The following LRRTM4 variants were observed in gnomAD, a reference collection of about 807,000 sequenced individuals.
LRRTM4 encodes the protein leucine-rich repeat transmembrane neuronal protein 4.
LRRTM4 carries 25 observed loss-of-function variants against 47.6 expected under a neutral mutation model. The observed-to-expected ratio is 0.53, with a 90% CI of 0.38 to 0.73. The LOEUF is 0.73. Among genes scored for constraint, LRRTM4 ranks in the 30% least tolerant of loss-of-function variants. LRRTM4 has a pLI of 0.00. For missense variants in LRRTM4, 638 were observed against 713.4 expected (o/e 0.89, Z 1.20); for synonymous variants, 311 against 269.5 (o/e 1.15, Z -1.51).
intron 3 of LRRTM4, among the ~76,000 whole-genome samples, chr2:77,487,147 GC>G (rs1214473911): frequency 6.6e-6 from 1 of 152,210 alleles, no homozygotes. Flanking sequence ...GATCCACAGA[GC>G]CAATGGGAGC....
intron 3 of LRRTM4, among the ~76,000 whole-genome samples, chr2:76,849,300 T>C (rs929379246): frequency 6.6e-6 from 1 of 152,048 alleles, no homozygotes; most frequent in Non-Finnish European, 1.5e-5. Context: ...AATTCAGCAT[T>C]GTCAGTGTGA....
rs28637418 is a variant in LRRTM4, at chr2:76,920,667, G to C, written c.1552-171751C>G. Among the ~76,000 whole-genome samples the C allele has an allele frequency of 4.2e-3, 646 of 152,122 alleles. 1 individual carries two copies. Among genetic ancestry groups the C allele is most frequent in the African/African-American group, 0.015 (625 of 41,532 alleles). On this transcript the variant is annotated intron_variant, in intron 3 of 3. Transcript: ENST00000409884. ...TTGGTTTAGAGGTGTTTTCCTGTGT[G>C]TCTAAATACAGAATAATGCTACAGC...
intron 3 of LRRTM4, among the ~76,000 whole-genome samples, chr2:76,793,189 A>G (rs1675071577): frequency 6.6e-6 from 1 of 152,066 alleles, no homozygotes; most frequent in South Asian, 2.1e-4. Context: ...ACCTATTTAT[A>G]CTCTAGGTTT....
intron 3 of LRRTM4, among the ~76,000 whole-genome samples, chr2:77,084,427 A>C (rs1024892786): frequency 6.6e-6 from 1 of 152,222 alleles, no homozygotes; most frequent in Non-Finnish European, 1.5e-5. Context: ...TTCAGAAACA[A>C]GTACCCCTCT....
chr2:77,346,541 A>G (rs938232255), intron 3 of LRRTM4, among the ~76,000 whole-genome samples: 2 of 152,194 alleles, frequency 1.3e-5, no homozygotes, highest in African/African-American at 4.8e-5. Context: ...AGACATTCAT[A>G]TATTCATATA....
chr2:77,037,455 C>A lies in LRRTM4; in HGVS notation c.1552-288539G>T, dbSNP rs1417920496. On this transcript the variant is annotated intron_variant, in intron 3 of 3. Coordinates refer to ENST00000409884, the MANE Select transcript of LRRTM4 (RefSeq NM_001134745.3). ...ATCCTGCCATGCACATAATTGCAAGCATTATACAGCTCCTACATGTTTTGT... is the reference window on the plus strand; with the variant it reads ...ATCCTGCCATGCACATAATTGCAAGAATTATACAGCTCCTACATGTTTTGT... 2.0e-5 allele frequency among the ~76,000 whole-genome samples: 3 copies of A among 151,662 alleles called. No homozygotes were observed. The East Asian group carries it at 5.8e-4, about 29-fold the overall frequency.
At chr2:77,360,640 T>G (rs961362592) in intron 3 of LRRTM4, among the ~76,000 whole-genome samples, 1 of 152,112 alleles carries the variant, frequency 6.6e-6, no homozygotes, top group Non-Finnish European at 1.5e-5. Flanking sequence ...CAAAAGTAAT[T>G]TGACTTCCCT....
intron 3 of LRRTM4, among the ~76,000 whole-genome samples, chr2:77,424,661 G>A (rs1348667838): frequency 2.0e-5 from 3 of 152,126 alleles, no homozygotes; most frequent in Admixed American, 6.5e-5. Context: ...TAATACTTTA[G>A]TGATGATTGT....
chr2:76,851,389 C>T (rs1671990490), intron 3 of LRRTM4, among the ~76,000 whole-genome samples: 1 of 152,142 alleles, frequency 6.6e-6, no homozygotes, highest in South Asian at 2.1e-4. Flanking sequence ...AGGGGTTTTG[C>T]TGCAAATGTA....
rs142012466 is a variant in LRRTM4 at position 77,006,649 on chromosome 2, G to A, written c.1552-257733C>T. Among the ~76,000 whole-genome samples the A allele has an allele frequency of 2.8e-3, 432 of 152,180 alleles. 3 individuals are homozygous for A. The highest frequency in any genetic ancestry group is 9.8e-3 in the African/African-American group (406 of 41,522). On this transcript the variant is annotated intron_variant, in intron 3 of 3. Coordinates refer to ENST00000409884, the MANE Select transcript of LRRTM4 (RefSeq NM_001134745.3). ...ATCATCATGATGCACAAAAACAAGC[G>A]GAGAGATTCTAGACTTCTGGGGATC... is the stretch of plus-strand genomic sequence containing the variant.
At chr2:76,873,878 T>G (rs1672707715) in intron 3 of LRRTM4, among the ~76,000 whole-genome samples, 1 of 151,880 alleles carries the variant, frequency 6.6e-6, no homozygotes, top group South Asian at 2.1e-4. Context: ...TACTGATTAT[T>G]TCTTTTGAAG....
intron 3 of LRRTM4, among the ~76,000 whole-genome samples, chr2:77,313,029 C>T (rs990647470): frequency 6.6e-6 from 1 of 152,074 alleles, no homozygotes; most frequent in Non-Finnish European, 1.5e-5. Flanking sequence ...TTATTTCCTT[C>T]CATCACTAGA....
At chr2:77,250,012 A>T (rs889476530) in intron 3 of LRRTM4, among the ~76,000 whole-genome samples, 1 of 152,226 alleles carries the variant, frequency 6.6e-6, no homozygotes, top group African/African-American at 2.4e-5. Context: ...CTATCAAATC[A>T]TCAAAAGACA....
intron 3 of LRRTM4, among the ~76,000 whole-genome samples, chr2:77,333,873 GC>G (rs1030220643): frequency 5.3e-5 from 8 of 152,182 alleles, no homozygotes; most frequent in Admixed American, 5.2e-4. Context: ...CTCAGCACCA[GC>G]CCATGAAAGC....
rs1357296996 is a variant in LRRTM4 at position 76,781,527 on chromosome 2, T to G, written c.1552-32611A>C. 1.1e-4 allele frequency among the ~76,000 whole-genome samples: 17 copies of G among 152,298 alleles called. 1 individual carries two copies. The highest frequency in any genetic ancestry group is 3.6e-4 in the African/African-American group (15 of 41,574). Reference sequence around the variant, plus strand: ...GAGTGACCCGATTTTCCAGGTGCGGTGCATCACCCCTTTCTTTGACTCAGA... The same window carrying G: ...GAGTGACCCGATTTTCCAGGTGCGGGGCATCACCCCTTTCTTTGACTCAGA... On this transcript the variant is annotated intron_variant, in intron 3 of 3. Transcript: ENST00000409884.
chr2:77,294,149 CTG>C (rs557729512), intron 3 of LRRTM4, among the ~76,000 whole-genome samples: 8 of 152,038 alleles, frequency 5.3e-5, no homozygotes, highest in African/African-American at 1.9e-4. Flanking sequence ...TAATTATTCT[CTG>C]TTTTTGTTTT....
At chr2:77,312,180 C>T (rs552143164) in intron 3 of LRRTM4, among the ~76,000 whole-genome samples, 28 of 152,240 alleles carry the variant, frequency 1.8e-4, no homozygotes, top group Non-Finnish European at 3.4e-4. Flanking sequence ...TTTTTCTCAT[C>T]TATTTCTCAA....
intron 3 of LRRTM4, among the ~76,000 whole-genome samples, chr2:76,843,510 T>G (rs1558688487): frequency 6.6e-6 from 1 of 152,190 alleles, no homozygotes; most frequent in Non-Finnish European, 1.5e-5. Flanking sequence ...TAAATCCCAG[T>G]TCTCATTCAT....
In LRRTM4 at chr2:77,073,896, A is replaced by C. The variant is rs190035153; in HGVS notation, c.1552-324980T>G. Among the ~76,000 whole-genome samples, 404 of 152,056 alleles carry C rather than the reference A, an allele frequency of 2.7e-3. 3 individuals carry two copies. Among genetic ancestry groups the C allele is most frequent in the Non-Finnish European group, 4.6e-3 (314 of 67,950 alleles). On this transcript the variant is annotated intron_variant, in intron 3 of 3. Transcript: ENST00000409884. ...AAGCTTCTTGATTTTTATGCTAGTC[A>C]TTCTTTTCTTCAGCTGAGGGCATTT... is the stretch of plus-strand genomic sequence containing the variant.
Sources: gnomAD v4.1 joint callset for allele counts (sites outside exome capture counted in the v4.1 genomes callset) on GRCh38, gnomAD v4.1.1 for gene constraint, MANE v1.5 for transcripts, NCBI Gene and HGNC (gene_info 2026-07-23, HGNC 2026-07-21) for gene names.